The following AGMO variants were observed in gnomAD, a reference collection of about 807,000 sequenced individuals.
AGMO encodes the protein alkylglycerol monooxygenase, also known as glyceryl-ether monooxygenase.
A neutral mutation model predicts 60.2 loss-of-function variants in AGMO; 75 were observed. That is an observed-to-expected ratio of 1.25 (90% confidence interval 1.03 to 1.51). The LOEUF (loss-of-function observed/expected upper bound fraction) is 1.51, where lower values mean the gene tolerates loss of function less well. AGMO is among the 40% of genes most tolerant of loss of function. The probability of loss-of-function intolerance (pLI) is 0.00; values close to 1 mark genes in which losing one functional copy is unlikely to be tolerated. For synonymous variants in AGMO, 261 were observed against 177.1 expected (o/e 1.47, Z -3.76); for missense variants, 763 against 525.5 (o/e 1.45, Z -4.42).
At chr7:15,552,394 T>C (rs968311434) in intron 2 of AGMO, among the ~76,000 whole-genome samples, 2 of 152,030 alleles carry the variant, frequency 1.3e-5, no homozygotes, top group African/African-American at 4.8e-5. Flanking sequence ...ACCTACAAAA[T>C]GGGAGAAGAT....
intron 3 of AGMO, among the ~76,000 whole-genome samples, chr7:15,441,747 C>T (rs967028135): frequency 7.9e-5 from 12 of 152,000 alleles, no homozygotes; most frequent in Non-Finnish European, 1.3e-4. Flanking sequence ...CCACAAGCTA[C>T]GGAATCCATT....
intron 12 of AGMO, among the ~76,000 whole-genome samples, chr7:15,275,897 T>G (rs924344963): frequency 1.3e-5 from 2 of 152,236 alleles, no homozygotes; most frequent in Non-Finnish European, 2.9e-5. Flanking sequence ...TATGTTTTTT[T>G]CCACCACTTT....
intron 3 of AGMO, among the ~76,000 whole-genome samples, chr7:15,524,049 A>T (rs1046980013): frequency 1.3e-5 from 2 of 152,048 alleles, no homozygotes. Context: ...TCTGTTTGAT[A>T]TTTTTGTTGT....
chr7:15,262,159 AG>A (rs1783291775), intron 12 of AGMO, among the ~76,000 whole-genome samples: 1 of 152,058 alleles, frequency 6.6e-6, no homozygotes, highest in Admixed American at 6.6e-5. Context: ...AAGGAAATCA[AG>A]GCCATCCAAA....
chr7:15,298,433 C>G (rs1040590020), intron 12 of AGMO, among the ~76,000 whole-genome samples: 4 of 152,130 alleles, frequency 2.6e-5, no homozygotes, highest in Non-Finnish European at 5.9e-5. Context: ...CTCACTCTGT[C>G]ACCAAGGTTG....
intron 5 of AGMO, chr7:15,396,626 TC>T (rs1213190882): frequency 3.8e-5 from 5 of 132,748 alleles, no homozygotes; most frequent in Middle Eastern, 3.7e-3. Flanking sequence ...CCCCGCCCCC[TC>T]CCCCACACAT....
intron 12 of AGMO, among the ~76,000 whole-genome samples, chr7:15,330,296 C>A (rs563214220): frequency 6.6e-6 from 1 of 152,206 alleles, no homozygotes; most frequent in South Asian, 2.1e-4. Context: ...CATTGATAAA[C>A]ATTAACTTTA....
chr7:15,214,383 A>G (rs1394537064), intron 12 of AGMO, among the ~76,000 whole-genome samples: 3 of 152,050 alleles, frequency 2.0e-5, no homozygotes, highest in Non-Finnish European at 4.4e-5. Context: ...TAGCTTCTGA[A>G]GTTAGCACAT....
intron 12 of AGMO, among the ~76,000 whole-genome samples, chr7:15,318,683 A>C (rs977769793): frequency 2.5e-4 from 38 of 152,344 alleles, no homozygotes; most frequent in African/African-American, 8.9e-4. Context: ...GAGGAAATTT[A>C]ATCATAATTT....
At chr7:15,375,411 T>TG (rs1163408454) in intron 10 of AGMO, among the ~76,000 whole-genome samples, 1 of 77,436 alleles carries the variant, frequency 1.3e-5, no homozygotes, top group African/African-American at 4.1e-5. Context: ...TTTTTTTTTT[T>TG]TTGAGACAGA....
chr7:15,398,136 G>A (rs1179911924), intron 5 of AGMO, among the ~76,000 whole-genome samples: 1 of 152,134 alleles, frequency 6.6e-6, no homozygotes, highest in African/African-American at 2.4e-5. Flanking sequence ...ACAAATGTGG[G>A]TGGAGAGGAC....
At chr7:15,559,496 G>A (rs1189583181) in intron 2 of AGMO, among the ~76,000 whole-genome samples, 1 of 152,040 alleles carries the variant, frequency 6.6e-6, no homozygotes, top group Non-Finnish European at 1.5e-5. Flanking sequence ...GGCTTTCCAG[G>A]CAGAGGGAAG....
At chr7:15,141,151 C>A in the AGMO span, among the ~76,000 whole-genome samples, 7 of 152,254 alleles carry the variant, frequency 4.6e-5, no homozygotes, top group East Asian at 1.4e-3. Flanking sequence ...ATGGATTTGA[C>A]CTGAGGAGAG....
intron 12 of AGMO, among the ~76,000 whole-genome samples, chr7:15,236,642 A>G (rs1782429701): frequency 6.6e-6 from 1 of 152,144 alleles, no homozygotes; most frequent in African/African-American, 2.4e-5. Flanking sequence ...TTATTGAAAG[A>G]TCTGATCAAC....
intron 3 of AGMO, among the ~76,000 whole-genome samples, chr7:15,503,519 A>G (rs1783439616): frequency 1.3e-5 from 2 of 152,054 alleles, no homozygotes; most frequent in Admixed American, 1.3e-4. Context: ...AGCAGAAGAA[A>G]AACAGAAAAT....
At chr7:15,401,145 C>T (rs927325417) in intron 5 of AGMO, among the ~76,000 whole-genome samples, 1 of 151,994 alleles carries the variant, frequency 6.6e-6, no homozygotes, top group African/African-American at 2.4e-5. Context: ...CTTACATTAC[C>T]TAAAAAATGT....
intron 3 of AGMO, among the ~76,000 whole-genome samples, chr7:15,441,636 C>T (rs1427760170): frequency 1.3e-5 from 2 of 151,998 alleles, no homozygotes; most frequent in African/African-American, 4.8e-5. Context: ...GATTGGCAAG[C>T]ACTCCTACGA....
At chr7:15,367,529 A>G (rs898359166) in intron 10 of AGMO, among the ~76,000 whole-genome samples, 3 of 152,112 alleles carry the variant, frequency 2.0e-5, no homozygotes, top group Non-Finnish European at 4.4e-5. Flanking sequence ...CAGAAAGTAA[A>G]TAACGCCTCT....
At chr7:15,202,036 C>T (rs1051447245) in intron 12 of AGMO, among the ~76,000 whole-genome samples, 6 of 152,184 alleles carry the variant, frequency 3.9e-5, no homozygotes, top group Middle Eastern at 3.4e-3. Flanking sequence ...TACCTAGGCA[C>T]CGACAATTAA....
Sources: gnomAD v4.1 joint callset for allele counts (sites outside exome capture counted in the v4.1 genomes callset) on GRCh38, gnomAD v4.1.1 for gene constraint, MANE v1.5 for transcripts, NCBI Gene and HGNC (gene_info 2026-07-23, HGNC 2026-07-21) for gene names.